Variants in SEM1 observed in about 807,000 individuals in gnomAD.
SEM1 encodes SEM1 26S proteasome subunit.
In SEM1, 3 loss-of-function variants were observed where a neutral mutation model predicts 12.7. The observed-to-expected ratio is 0.24, with a 90% CI of 0.11 to 0.61. The LOEUF (loss-of-function observed/expected upper bound fraction) is 0.61. Ranked by LOEUF, SEM1 falls within the 20% of genes least tolerant of loss-of-function variation. The pLI is 0.88. For synonymous variants in SEM1, 30 were observed against 27.8 expected (o/e 1.08, Z -0.25); for missense variants, 59 against 81.3 (o/e 0.73, Z 1.06).
chr7:96,692,022 AAAC>A (rs1789945111), intron 2 of SEM1, among the ~76,000 whole-genome samples: 2 of 152,366 alleles, frequency 1.3e-5, no homozygotes, highest in South Asian at 4.1e-4. Context: ...AACAGTGAAA[AAAC>A]AACAAAAATA....
At chr7:96,689,753 T>C (rs912886729) in intron 2 of SEM1, among the ~76,000 whole-genome samples, 4 of 152,212 alleles carry the variant, frequency 2.6e-5, no homozygotes, top group African/African-American at 9.6e-5. Context: ...CCATAAATTA[T>C]ATCAAGGCCA....
At chr7:96,669,123 G>A (rs904197088), downstream of SEM1, among the ~76,000 whole-genome samples, 4 of 152,164 alleles carry the variant, frequency 2.6e-5, no homozygotes, top group Non-Finnish European at 4.4e-5. Context: ...ATAAATTTCT[G>A]TTGCTTTGAG....
chr7:96,616,390 T>A (rs773171409), intron 2 of SEM1, among the ~76,000 whole-genome samples: 15 of 152,298 alleles, frequency 9.8e-5, no homozygotes, highest in Admixed American at 1.3e-4. Context: ...AATGGTTTTT[T>A]TTCAGTGTTT....
intron 2 of SEM1, among the ~76,000 whole-genome samples, chr7:96,694,329 G>C (rs192804190): frequency 2.6e-5 from 4 of 152,012 alleles, no homozygotes; most frequent in Admixed American, 2.0e-4. Flanking sequence ...ACTTTCAAAT[G>C]CTTAATTTTA....
At chr7:96,521,370 AGCAGGCCAT>A (rs1804265136) in intron 2 of SEM1, among the ~76,000 whole-genome samples, 1 of 152,158 alleles carries the variant, frequency 6.6e-6, no homozygotes, top group African/African-American at 2.4e-5. Flanking sequence ...ATCATTCCCC[AGCAGGCCAT>A]GGTACAAGCC....
chr7:96,523,809 C>T (rs1289670445), intron 2 of SEM1, among the ~76,000 whole-genome samples: 1 of 152,136 alleles, frequency 6.6e-6, no homozygotes, highest in Non-Finnish European at 1.5e-5. Context: ...ACTTAGCCTC[C>T]ATCACCCCTT....
chr7:96,597,578 C>A (rs767439967), intron 2 of SEM1, among the ~76,000 whole-genome samples: 1 of 151,946 alleles, frequency 6.6e-6, no homozygotes, highest in Non-Finnish European at 1.5e-5. Context: ...CCCATAGATT[C>A]ATCAGCTTGC....
chr7:96,608,024 G>A (rs186021423), intron 2 of SEM1, among the ~76,000 whole-genome samples: 66 of 152,312 alleles, frequency 4.3e-4, no homozygotes, highest in South Asian at 3.7e-3. Flanking sequence ...TGATGAGCCA[G>A]ATATAAACAC....
intron 2 of SEM1, among the ~76,000 whole-genome samples, chr7:96,611,999 T>TAA (rs60890286): frequency 4.3e-4 from 65 of 151,812 alleles, no homozygotes; most frequent in African/African-American, 1.5e-3. Context: ...CCCCCCCAAA[T>TAA]AAAAAAAGCA....
At chr7:96,504,746 T>G (rs540240174) in intron 3 of SEM1, among the ~76,000 whole-genome samples, 9 of 152,160 alleles carry the variant, frequency 5.9e-5, no homozygotes, top group African/African-American at 1.9e-4. Context: ...TATTAAAGTG[T>G]TTTAATGGTT....
rs1409233337 is a variant in SEM1 at position 96,522,910 on chromosome 7, A to AG, written c.171-16213_171-16212insC. ...CCATCTCAAAAAAAAAAAAAAAAAAAAGAGAGATGTTGTTTAAATGATACT... is the reference window on the plus strand; with the variant it reads ...CCATCTCAAAAAAAAAAAAAAAAAAAGAGAGAGATGTTGTTTAAATGATACT... On this transcript the variant is annotated intron_variant and NMD_transcript_variant, in intron 2 of 3. Transcript: ENST00000466986. 3.9e-4 allele frequency among the ~76,000 whole-genome samples: 59 copies of AG among 151,220 alleles called. 1 individual carries two copies. The South Asian group carries it at 7.2e-3, about 18-fold the overall frequency.
At chr7:96,568,329 T>G (rs1423853293) in intron 2 of SEM1, among the ~76,000 whole-genome samples, 1 of 151,838 alleles carries the variant, frequency 6.6e-6, no homozygotes, top group Non-Finnish European at 1.5e-5. Context: ...TAATTTCTCA[T>G]TTTAAATATT....
intron 2 of SEM1, among the ~76,000 whole-genome samples, chr7:96,526,169 T>C (rs1804459063): frequency 6.6e-6 from 1 of 152,136 alleles, no homozygotes; most frequent in Admixed American, 6.5e-5. Flanking sequence ...GAAAATAATA[T>C]CACTCACCAT....
intron 2 of SEM1, among the ~76,000 whole-genome samples, chr7:96,559,945 G>T (rs1349997081): frequency 6.6e-6 from 1 of 152,176 alleles, no homozygotes; most frequent in Non-Finnish European, 1.5e-5. Flanking sequence ...CCTTGAAGAA[G>T]GTGCTGCCTT....
chr7:96,632,777 GT>G (rs1437758372), intron 2 of SEM1, among the ~76,000 whole-genome samples: 1 of 99,048 alleles, frequency 1.0e-5, no homozygotes, highest in Non-Finnish European at 2.0e-5. Flanking sequence ...TTTTTTTGTT[GT>G]TTTTTGTTTT....
intron 2 of SEM1, among the ~76,000 whole-genome samples, chr7:96,551,825 C>T (rs972773383): frequency 1.3e-5 from 2 of 152,048 alleles, no homozygotes; most frequent in Admixed American, 1.3e-4. Context: ...TGGCAGCCAC[C>T]AGAAACTAGG....
rs1293476675 is a variant in SEM1, at chr7:96,656,872, TATATAC to T, written c.171-34235_171-34230del. ...TGTTAAATATATATATATATATATA[TATATAC>T]ACACACACACATATGTATATAAAAT... On this transcript the variant is annotated intron_variant, in intron 2 of 2. Transcript: ENST00000417009. 7.7e-3 allele frequency among the ~76,000 whole-genome samples: 1,100 copies of T among 142,390 alleles called. 10 individuals carry two copies. Among genetic ancestry groups the T allele is most frequent in the African/African-American group, 0.027 (1,034 of 38,668 alleles). The allele number at this position is 142,390 out of a possible 152,430, so 93.4% of individuals were successfully genotyped here.
At chr7:96,599,690 C>A (rs556795115) in intron 2 of SEM1, among the ~76,000 whole-genome samples, 12 of 152,254 alleles carry the variant, frequency 7.9e-5, no homozygotes, top group African/African-American at 2.9e-4. Context: ...AGAGGACTAG[C>A]AGATTCCCTT....
intron 1 of SEM1, among the ~76,000 whole-genome samples, chr7:96,492,396 T>A (rs534320089): frequency 2.6e-5 from 4 of 152,170 alleles, no homozygotes; most frequent in Non-Finnish European, 5.9e-5. Context: ...TGTTTTAGCA[T>A]GTATCAGGGC....
Sources: allele counts gnomAD v4.1 joint callset (sites outside exome capture counted in the v4.1 genomes callset), GRCh38; gene constraint gnomAD v4.1.1; transcripts MANE v1.5; gene names NCBI Gene and HGNC (gene_info 2026-07-23, HGNC 2026-07-21).